Variants in OSBPL3 observed in about 807,000 individuals in gnomAD.
OSBPL3 encodes the protein oxysterol-binding protein-related protein 3.
A neutral mutation model predicts 120.1 loss-of-function variants in OSBPL3; 65 were observed. The ratio of observed to expected loss-of-function variants is 0.54; its 90% confidence interval spans 0.44 to 0.67. The LOEUF is 0.67. OSBPL3 is among the 30% of genes least tolerant of loss of function. The pLI is 0.00. For missense variants in OSBPL3, 1,004 were observed against 1,082.1 expected (o/e 0.93, Z 1.01); for synonymous variants, 416 against 402.6 (o/e 1.03, Z -0.40).
rs147177707 is a variant in OSBPL3, at chr7:24,807,496, A to AAATAATAAT, written c.2318-603_2318-595dup. On this transcript the variant is annotated intron_variant, in intron 20 of 22. Coordinates refer to ENST00000313367, the MANE Select transcript of OSBPL3 (RefSeq NM_015550.4). Reference sequence around the variant, plus strand: ...CGACAAGAGCGAAACTCCATCTCAAAAATAATAATAATAATAATAATAACA... The same window carrying AAATAATAAT: ...CGACAAGAGCGAAACTCCATCTCAAAAATAATAATAATAATAATAATAATAATAATAACA... 9.1e-3 allele frequency among the ~76,000 whole-genome samples: 1,370 copies of AAATAATAAT among 150,870 alleles called. 15 individuals carry two copies. The highest frequency in any genetic ancestry group is 0.031 in the African/African-American group (1,269 of 40,932).
At chr7:24,814,987 G>T in intron 19 of OSBPL3, 72 bp downstream of exon 19, 2 of 1,454,616 alleles carry the variant, frequency 1.4e-6, no homozygotes, top group Non-Finnish European at 1.9e-6. Flanking sequence ...TCTCTCAAAT[G>T]CCCTGTGCTC....
chr7:24,948,129 CG>C (rs1450053992), intron 1 of OSBPL3, among the ~76,000 whole-genome samples: 14 of 152,054 alleles, frequency 9.2e-5, no homozygotes, highest in Non-Finnish European at 1.5e-4. Flanking sequence ...CCCTTGGCTA[CG>C]GAAGACAAAG....
Position 24,913,442 on chromosome 7 carries a change from G to A in OSBPL3, c.-149-20821C>T, listed in dbSNP as rs1294955100. 2.0e-5 allele frequency among the ~76,000 whole-genome samples: 3 copies of A among 152,086 alleles called. No individual in the cohort carries two copies. The highest frequency in any genetic ancestry group is 4.4e-5 in the Non-Finnish European group (3 of 68,032). The stretch of plus-strand genomic sequence containing the variant: ...AGAGCATCCCACTCCTGCTGGGTAG[G>A]TCAGACTCAGAAGGGGGCTCCTTGA... On this transcript the variant is annotated intron_variant, in intron 1 of 22. Transcript: ENST00000313367. The surrounding 1 kb of genome is among the most constrained non-coding windows in gnomAD (Gnocchi z 5.3).
At chr7:24,927,787 T>C (rs1811243051) in intron 1 of OSBPL3, among the ~76,000 whole-genome samples, 1 of 152,198 alleles carries the variant, frequency 6.6e-6, no homozygotes, top group South Asian at 2.1e-4. Context: ...CAACTGTGCT[T>C]TGCTGTTCCA....
intron 2 of OSBPL3, among the ~76,000 whole-genome samples, chr7:24,888,232 T>C (rs1004913781): frequency 2.0e-5 from 3 of 152,242 alleles, no homozygotes; most frequent in African/African-American, 4.8e-5. Context: ...TTAATGTTAA[T>C]TATAATGATA....
rs1801467441 is a variant in OSBPL3 at position 24,867,291 on chromosome 7, T to C, written c.382-1054A>G. The stretch of plus-strand genomic sequence containing the variant: ...AATTCAGACTTTTCAGATTAATCTT[T>C]TCTGAACTGGAATGAATTAGTAAAT... On this transcript the variant is annotated intron_variant, in intron 5 of 22. Coordinates refer to ENST00000313367, the MANE Select transcript of OSBPL3 (RefSeq NM_015550.4). This position sits in a 1 kb window ranked among gnomAD's most constrained non-coding sequence, Gnocchi z 4.5. Among the ~76,000 whole-genome samples, 1 of 152,252 alleles carries C rather than the reference T, an allele frequency of 6.6e-6. No individual in the cohort carries two copies. Among genetic ancestry groups the C allele is most frequent in the African/African-American group, 2.4e-5 (1 of 41,474 alleles).
At position 24,813,643 on chromosome 7, in the gene OSBPL3, C is replaced by T. The variant is rs1033730307; in HGVS notation, c.2172+1416G>A. 9.2e-5 allele frequency among the ~76,000 whole-genome samples: 14 copies of T among 152,204 alleles called. No homozygotes were observed. The highest frequency in any genetic ancestry group is 1.3e-4 in the Non-Finnish European group (9 of 68,036). On this transcript the variant is annotated intron_variant, in intron 19 of 22. Transcript: ENST00000313367. This position sits in a 1 kb window ranked among gnomAD's most constrained non-coding sequence, Gnocchi z 4.5. ...CTATAATAAAGACCCCAATCCACCT[C>T]TTCCTAAGTATTCCCTATAGGTTAC... is the stretch of plus-strand genomic sequence containing the variant.
At chr7:24,901,327 G>C (rs1398251527) in intron 1 of OSBPL3, among the ~76,000 whole-genome samples, 3 of 151,744 alleles carry the variant, frequency 2.0e-5, no homozygotes. Flanking sequence ...ACTCCAGCCT[G>C]GGTGACAGAG....
At position 24,815,215 on chromosome 7, in the gene OSBPL3, G is replaced by C; in HGVS notation, c.2028-12C>G. The stretch of plus-strand genomic sequence containing the variant: ...AATGATCCCCAAAACTAAAAAGAAG[G>C]AAAAAGTAGAAGTACCAATTTCTAG... On this transcript the variant is annotated splice_polypyrimidine_tract_variant and intron_variant, in intron 18 of 22. Coordinates refer to ENST00000313367, the MANE Select transcript of OSBPL3 (RefSeq NM_015550.4). The surrounding 1 kb of genome is among the most constrained non-coding windows in gnomAD (Gnocchi z 5.1). The C allele has an allele frequency of 6.2e-7, 1 of 1,607,226 alleles. No individual in the cohort carries two copies.
At chr7:24,875,073 C>T (rs139678449) in intron 2 of OSBPL3, among the ~76,000 whole-genome samples, 8 of 152,348 alleles carry the variant, frequency 5.3e-5, no homozygotes, top group Admixed American at 1.3e-4. Context: ...ACAATGAAAA[C>T]GCCGTCCCAC....
chr7:24,854,489 TACACACACACACGCACAC>T lies in OSBPL3; in HGVS notation c.1028-1873_1028-1856del, dbSNP rs1171441587. 6.3e-5 allele frequency among the ~76,000 whole-genome samples: 8 copies of T among 127,494 alleles called. No individual in the cohort carries two copies. The highest frequency in any genetic ancestry group is 2.4e-4 in the East Asian group (1 of 4,228). 83.6% of individuals were successfully genotyped at this position (127,494 alleles called of 152,430 possible). ...ATCTTAACAAAGTCACAACAATTTGTACACACACACACGCACACACACACACACACACACACACACACA... is the reference window on the plus strand; with the variant it reads ...ATCTTAACAAAGTCACAACAATTTGTACACACACACACACACACACACACA... On this transcript the variant is annotated intron_variant, in intron 10 of 22. Transcript: ENST00000313367. This position sits in a 1 kb window ranked among gnomAD's most constrained non-coding sequence, Gnocchi z 4.1.
At position 24,890,306 on chromosome 7, in the gene OSBPL3, C is replaced by A. The variant is rs73274120; in HGVS notation, c.96+2071G>T. On this transcript the variant is annotated intron_variant, in intron 2 of 22. Transcript: ENST00000313367. ...AAATCTTGAAGTTTTAAGTGTTTAA[C>A]TGGTACTCTTCAGTGACGTGACTGG... Among the ~76,000 whole-genome samples, 1,274 of 152,286 alleles carry A rather than the reference C, an allele frequency of 8.4e-3. 20 individuals are homozygous for A. Among genetic ancestry groups the A allele is most frequent in the African/African-American group, 0.029 (1,194 of 41,558 alleles).
At chr7:24,861,839 G>A in intron 9 of OSBPL3, 70 bp from the exon 10 acceptor site, 1 of 956,720 alleles carries the variant, frequency 1.0e-6, no homozygotes, top group Non-Finnish European at 1.5e-6. Context: ...TTGATTCTAA[G>A]ATTGAAACAT....
rs1390379895 is a variant in OSBPL3 at position 24,947,940 on chromosome 7, C to A, written c.-150+31946G>T. Among the ~76,000 whole-genome samples, 1 of 152,128 alleles carries A rather than the reference C, an allele frequency of 6.6e-6. No homozygotes were observed. Among genetic ancestry groups the A allele is most frequent in the Non-Finnish European group, 1.5e-5 (1 of 68,010 alleles). The stretch of plus-strand genomic sequence containing the variant: ...GTGCCAAAGATGCAAGAGATTATAT[C>A]ACAGATTAAGCTTTAAGAATGATTT... On this transcript the variant is annotated intron_variant, in intron 1 of 22. Transcript: ENST00000313367. The surrounding 1 kb of genome is among the most constrained non-coding windows in gnomAD (Gnocchi z 4.4).
At position 24,980,165 on chromosome 7, in the gene OSBPL3, G is replaced by T; in HGVS notation, c.-429C>A. The T allele has an allele frequency of 2.1e-6, 1 of 485,916 alleles. No homozygotes were observed. The highest frequency in any genetic ancestry group is 2.7e-6 in the Non-Finnish European group (1 of 373,444). The allele number at this position is 485,916 out of a possible 1,614,324, so 30.1% of individuals were successfully genotyped here. ...GCACGCGGCCAGTTCTGAGTACTTT[G>T]CCCAGAACTTCTCGGCGCGCGCCGC... On this transcript the variant is annotated 5_prime_UTR_variant, in exon 1 of 23. Transcript: ENST00000313367.
chr7:24,865,925 G>A (rs1384119175), intron 6 of OSBPL3, 145 bp downstream of exon 6: 21 of 643,450 alleles, frequency 3.3e-5, no homozygotes, highest in Non-Finnish European at 3.5e-5. Context: ...GACTCAGTGG[G>A]CAAACAGACT....
chr7:24,800,194 C>T lies in OSBPL3; in HGVS notation c.2653G>A (p.Val885Ile). Residue 885 changes from valine (V) to isoleucine (I), a missense_variant, in exon 23 of 23, where the codon GTC (valine) becomes ATC (isoleucine). By Grantham distance (29) the Val-to-Ile change is conservative. Coordinates refer to ENST00000313367, the MANE Select transcript of OSBPL3 (RefSeq NM_015550.4). ...TCTTCTTTACTTTTTCACCATAAGACAGGATGGTCCAGTTTGGAAAAACCA... is the reference window on the plus strand; with the variant it reads ...TCTTCTTTACTTTTTCACCATAAGATAGGATGGTCCAGTTTGGAAAAACCA... ...DLGFSKLDHPVLW is the reference protein window; with the variant it reads ...DLGFSKLDHPILW The T allele has an allele frequency of 6.3e-7, 1 of 1,586,722 alleles. No individual in the cohort carries two copies. The highest frequency in any genetic ancestry group is 8.7e-7 in the Non-Finnish European group (1 of 1,155,024).
At chr7:24,962,414 G>A (rs1369958636) in intron 1 of OSBPL3, among the ~76,000 whole-genome samples, 4 of 122,718 alleles carry the variant, frequency 3.3e-5, no homozygotes, top group Non-Finnish European at 7.1e-5. Flanking sequence ...CAGAAGGGAG[G>A]GGAGGGGAGG....
chr7:24,971,323 A>G (rs1816998783), intron 1 of OSBPL3, among the ~76,000 whole-genome samples: 1 of 152,256 alleles, frequency 6.6e-6, no homozygotes, highest in African/African-American at 2.4e-5. Context: ...AGCAACAGAA[A>G]ACAATTTGGT....
Sources: allele counts gnomAD v4.1 joint callset (sites outside exome capture counted in the v4.1 genomes callset), GRCh38; gene constraint gnomAD v4.1.1; non-coding constraint Gnocchi (gnomAD v3.1); transcripts MANE v1.5; gene names NCBI Gene and HGNC (gene_info 2026-07-23, HGNC 2026-07-21).